The following PTPRD variants were observed in gnomAD, a reference collection of about 807,000 sequenced individuals.
PTPRD encodes the protein receptor-type tyrosine-protein phosphatase delta.
Under a neutral mutation model 214.5 loss-of-function variants are expected in PTPRD, and 34 were observed. The observed-to-expected ratio is 0.16, with a 90% confidence interval of 0.12 to 0.21. The LOEUF is 0.21. PTPRD is among the 10% of genes least tolerant of loss of function. PTPRD has a pLI of 1.00. For missense variants in PTPRD, 2,545 were observed against 2,398.7 expected (o/e 1.06, Z -1.27); for synonymous variants, 1,128 against 845.7 (o/e 1.33, Z -5.79).
chr9:9,746,153 G>A (rs1453509761), intron 6 of PTPRD, among the ~76,000 whole-genome samples: 8 of 152,042 alleles, frequency 5.3e-5, no homozygotes, highest in Non-Finnish European at 1.0e-4. Context: ...AATAAAGACA[G>A]CTTGATCTAG....
At chr9:9,727,955 T>A (rs1170411702) in intron 7 of PTPRD, among the ~76,000 whole-genome samples, 1 of 152,206 alleles carries the variant, frequency 6.6e-6, no homozygotes, top group Non-Finnish European at 1.5e-5. Flanking sequence ...TCTTGAATTG[T>A]AGCTCCCATA....
At chr9:10,247,760 A>T (rs1394258176) in intron 3 of PTPRD, among the ~76,000 whole-genome samples, 2 of 152,080 alleles carry the variant, frequency 1.3e-5, no homozygotes, top group Non-Finnish European at 2.9e-5. Context: ...GTGGCAAGGG[A>T]GATAAGAGGA....
rs546041294 is a variant in PTPRD at position 8,550,883 on chromosome 9, G to A, written c.353-22104C>T. ...ATAAGAACGCAACAGCACCAAGGCT[G>A]GGTATGAAAAGAATATTCTCTCCAC... On this transcript the variant is annotated intron_variant, in intron 14 of 45. Transcript: ENST00000381196. Among the ~76,000 whole-genome samples, 26 of 152,302 alleles carry A rather than the reference G, an allele frequency of 1.7e-4. No homozygotes were observed. In the East Asian group the frequency reaches 3.3e-3, roughly 19 times the overall value.
In PTPRD at chr9:10,125,102, T is replaced by A. The variant is rs564198335; in HGVS notation, c.-544-91312A>T. Among the ~76,000 whole-genome samples the A allele has an allele frequency of 4.5e-4, 69 of 152,322 alleles. No individual in the cohort carries two copies. In the Middle Eastern group the frequency reaches 0.01, roughly 23 times the overall value. On this transcript the variant is annotated intron_variant, in intron 3 of 45. Coordinates refer to ENST00000381196, the MANE Select transcript of PTPRD (RefSeq NM_002839.4). ...TCAAGAAATGTATTTAGGGTCCCAT[T>A]TGATAAATATGCTGATGATTTTCTG...
intron 4 of PTPRD, among the ~76,000 whole-genome samples, chr9:9,980,837 G>A (rs956336994): frequency 7.1e-6 from 1 of 140,366 alleles, no homozygotes; most frequent in Non-Finnish European, 1.5e-5. Context: ...TCACAGAAAA[G>A]GAGTTTAAAT....
At chr9:10,166,510 G>C (rs2154293480) in intron 3 of PTPRD, among the ~76,000 whole-genome samples, 1 of 151,958 alleles carries the variant, frequency 6.6e-6, no homozygotes, top group South Asian at 2.1e-4. Flanking sequence ...ACAACCCTTT[G>C]TGTTCTATTT....
intron 7 of PTPRD, among the ~76,000 whole-genome samples, chr9:9,665,443 T>C (rs931942690): frequency 1.4e-4 from 21 of 151,912 alleles, no homozygotes; most frequent in Admixed American, 1.3e-3. Context: ...TGATAGAATA[T>C]AGAAGAAAGA....
chr9:9,762,839 G>A (rs1194903378), intron 6 of PTPRD, among the ~76,000 whole-genome samples: 1 of 152,164 alleles, frequency 6.6e-6, no homozygotes, highest in Non-Finnish European at 1.5e-5. Context: ...TTAATCAGCT[G>A]GGTTGCCATA....
rs936281395 is a variant in PTPRD, at chr9:9,662,778, T to C, written c.-287+71755A>G. Reference sequence around the variant, plus strand: ...AATTAATCCAGAAATGGGATTGCTATAAGGCATTAAAACCACATGTATCTT... The same window carrying C: ...AATTAATCCAGAAATGGGATTGCTACAAGGCATTAAAACCACATGTATCTT... On this transcript the variant is annotated intron_variant, in intron 7 of 45. Transcript: ENST00000381196. 5.3e-5 allele frequency among the ~76,000 whole-genome samples: 8 copies of C among 151,620 alleles called. No homozygotes were observed. The East Asian group carries it at 7.7e-4, about 15-fold the overall frequency.
At chr9:10,258,166 A>G (rs1391355410) in intron 3 of PTPRD, among the ~76,000 whole-genome samples, 1 of 152,200 alleles carries the variant, frequency 6.6e-6, no homozygotes, top group Non-Finnish European at 1.5e-5. Flanking sequence ...TCTCGTCTAA[A>G]CTAGTTGTAG....
rs75724203 is a variant in PTPRD at position 8,561,907 on chromosome 9, T to C, written c.353-33128A>G. Among the ~76,000 whole-genome samples the C allele has an allele frequency of 6.3e-3, 955 of 152,196 alleles. 7 individuals are homozygous for C. The highest frequency in any genetic ancestry group is 0.022 in the African/African-American group (915 of 41,536). On this transcript the variant is annotated intron_variant, in intron 14 of 45. Coordinates refer to ENST00000381196, the MANE Select transcript of PTPRD (RefSeq NM_002839.4). ...AGATGCTTTGCAAAACTATAACTCCTTTAAATGCCATCCATCTTGAAAAAA... is the reference window on the plus strand; with the variant it reads ...AGATGCTTTGCAAAACTATAACTCCCTTAAATGCCATCCATCTTGAAAAAA...
At chr9:9,815,083 G>A (rs1470338669) in intron 5 of PTPRD, among the ~76,000 whole-genome samples, 2 of 152,028 alleles carry the variant, frequency 1.3e-5, no homozygotes, top group African/African-American at 4.8e-5. Context: ...AAAGCTTGAT[G>A]CACTACATTT....
At chr9:10,514,358 AAT>A (rs1419264354) in intron 2 of PTPRD, among the ~76,000 whole-genome samples, 1 of 151,656 alleles carries the variant, frequency 6.6e-6, no homozygotes, top group Non-Finnish European at 1.5e-5. Flanking sequence ...TGATTGATAA[AAT>A]ATGATATGAT....
intron 3 of PTPRD, among the ~76,000 whole-genome samples, chr9:10,216,980 T>C (rs1384506465): frequency 1.3e-5 from 2 of 152,016 alleles, no homozygotes; most frequent in African/African-American, 4.8e-5. Context: ...CATTATATGG[T>C]TATTTCCTTT....
chr9:8,837,476 A>C (rs942638346), intron 11 of PTPRD, among the ~76,000 whole-genome samples: 1 of 150,914 alleles, frequency 6.6e-6, no homozygotes, highest in Non-Finnish European at 1.5e-5. Context: ...TCAGAAGACT[A>C]ATCTCCTTTT....
At chr9:10,074,150 G>A (rs144271311) in intron 3 of PTPRD, among the ~76,000 whole-genome samples, 5 of 152,050 alleles carry the variant, frequency 3.3e-5, no homozygotes, top group African/African-American at 9.7e-5. Flanking sequence ...CAATTCTGCC[G>A]ATGTTTACTG....
chr9:9,368,943 G>A (rs1390034393), intron 9 of PTPRD, among the ~76,000 whole-genome samples: 3 of 151,822 alleles, frequency 2.0e-5, no homozygotes, highest in African/African-American at 7.3e-5. Context: ...CCCAGTGTAG[G>A]ATGTTCCCCT....
rs79869040 is a variant in PTPRD, at chr9:10,124,423, C to T, written c.-544-90633G>A. ...CTGTGGAAGAATATAATACAACACA[C>T]CATGCGTATTCACCCCACATTTTTT... On this transcript the variant is annotated intron_variant, in intron 3 of 45. Transcript: ENST00000381196. 4.5e-3 allele frequency among the ~76,000 whole-genome samples: 682 copies of T among 152,264 alleles called. 6 individuals carry two copies. The highest frequency in any genetic ancestry group is 0.015 in the African/African-American group (620 of 41,572).
chr9:10,197,435 T>G (rs912008321), intron 3 of PTPRD, among the ~76,000 whole-genome samples: 1 of 152,128 alleles, frequency 6.6e-6, no homozygotes, highest in African/African-American at 2.4e-5. Flanking sequence ...TACAAGACAT[T>G]AAAAACTTTG....
Sources: gnomAD v4.1 joint callset for allele counts (sites outside exome capture counted in the v4.1 genomes callset) on GRCh38, gnomAD v4.1.1 for gene constraint, MANE v1.5 for transcripts, NCBI Gene and HGNC (gene_info 2026-07-23, HGNC 2026-07-21) for gene names.